VWF: variants seen among roughly 807,000 people sequenced by gnomAD.
VWF encodes the protein von Willebrand factor.
A neutral mutation model predicts 308.6 loss-of-function variants in VWF; 176 were observed. That is an observed-to-expected ratio of 0.57 (90% CI 0.50 to 0.65). The LOEUF is 0.65. Among genes scored for constraint, VWF ranks in the 30% least tolerant of loss-of-function variants. The pLI, the probability that VWF is intolerant of heterozygous loss-of-function variation, is 0.00. For synonymous variants in VWF, 1,385 were observed against 1,443.4 expected, an observed-to-expected ratio of 0.96 and a Z score of 0.92; for missense variants, 3,146 against 3,648.2, an observed-to-expected ratio of 0.86 and a Z score of 3.55.
chr12:6,108,490 C>G lies in VWF; in HGVS notation c.532+1884G>C, dbSNP rs148120788. Among the ~76,000 whole-genome samples, 97 of 150,618 alleles carry G rather than the reference C, an allele frequency of 6.4e-4. 1 individual carries two copies. Among genetic ancestry groups the G allele is most frequent in the African/African-American group, 2.2e-3 (91 of 41,008 alleles). On this transcript the variant is annotated intron_variant, in intron 5 of 51. Coordinates refer to ENST00000261405, the MANE Select transcript of VWF (RefSeq NM_000552.5). Reference sequence around the variant, plus strand: ...AAGAAGTAGTACACATACAGAAGATCTGGAAAACACAATTAAAAAGCTTAA... The same window carrying G: ...AAGAAGTAGTACACATACAGAAGATGTGGAAAACACAATTAAAAAGCTTAA...
intron 10 of VWF, among the ~76,000 whole-genome samples, chr12:6,067,317 T>G (rs1944727121): frequency 6.6e-6 from 1 of 152,208 alleles, no homozygotes; most frequent in African/African-American, 2.4e-5. Flanking sequence ...TGGGTGGGAA[T>G]TCTTCCCCCT....
intron 19 of VWF, among the ~76,000 whole-genome samples, chr12:6,036,137 G>A (rs916008136): frequency 6.6e-6 from 1 of 152,184 alleles, no homozygotes; most frequent in Non-Finnish European, 1.5e-5. Context: ...CAAAACAGTT[G>A]TGGTCCCAAG....
chr12:6,035,283 T>C (rs1944323231), intron 19 of VWF, among the ~76,000 whole-genome samples: 1 of 151,588 alleles, frequency 6.6e-6, no homozygotes, highest in South Asian at 2.1e-4. Flanking sequence ...TAGAAAAGAG[T>C]GATGAAGTAC....
At chr12:6,073,763 GT>G in intron 7 of VWF, 22 bp from the exon 8 acceptor site, 1 of 1,613,494 alleles carries the variant, frequency 6.2e-7, no homozygotes, top group East Asian at 2.2e-5. Context: ...CATCAAAGGG[GT>G]CTACCCAGGG....
chr12:6,067,938 A>T (rs1241817042), intron 10 of VWF, among the ~76,000 whole-genome samples: 2 of 152,130 alleles, frequency 1.3e-5, no homozygotes, highest in Non-Finnish European at 2.9e-5. Flanking sequence ...GTTCGAGACC[A>T]GCCTGGCCAA....
chr12:5,993,217 G>A (rs552662033), intron 37 of VWF, among the ~76,000 whole-genome samples: 10 of 152,168 alleles, frequency 6.6e-5, no homozygotes, highest in Non-Finnish European at 8.8e-5. Context: ...TTCAAGTTCA[G>A]TATTCTTTTC....
intron 34 of VWF, among the ~76,000 whole-genome samples, chr12:6,004,279 C>A (rs923910708): frequency 6.6e-6 from 1 of 151,876 alleles, no homozygotes; most frequent in Non-Finnish European, 1.5e-5. Flanking sequence ...TAGGAAATTT[C>A]TTCAAATAAT....
rs1443374379 is a variant in VWF, at chr12:5,951,709, A to G, written c.8155+135T>C. The G allele has an allele frequency of 2.3e-5, 24 of 1,032,298 alleles. No individual in the cohort carries two copies. In the Admixed American group the frequency reaches 4.2e-4, roughly 18 times the overall value. 63.9% of individuals were successfully genotyped at this position (1,032,298 alleles called of 1,614,324 possible). On this transcript the variant is annotated intron_variant, in intron 50 of 51. Transcript: ENST00000261405. Reference sequence around the variant, plus strand: ...ATAATGACTGACCAGTGGTCACGAAATATCTTTCTGAAATAAAGCTTACTC... The same window carrying G: ...ATAATGACTGACCAGTGGTCACGAAGTATCTTTCTGAAATAAAGCTTACTC...
Position 6,086,951 on chromosome 12 carries a change from G to C in VWF, c.657+8509C>G, listed in dbSNP as rs148383804. Among the ~76,000 whole-genome samples the C allele has an allele frequency of 6.6e-5, 10 of 152,218 alleles. No homozygotes were observed. In the East Asian group the frequency reaches 1.9e-3, roughly 29 times the overall value. ...GACAGGTGATTTTCTGGGAGGAAGA[G>C]GAATCACAGGTGAACTGCATGCTGT... On this transcript the variant is annotated intron_variant, in intron 6 of 51. Transcript: ENST00000261405.
chr12:6,117,010 C>A (rs895991151), intron 3 of VWF, among the ~76,000 whole-genome samples: 1 of 152,098 alleles, frequency 6.6e-6, no homozygotes, highest in Admixed American at 6.6e-5. Flanking sequence ...TGCCAGCCCA[C>A]CCCCCTCTAA....
intron 50 of VWF, among the ~76,000 whole-genome samples, chr12:5,950,914 A>G (rs1417959866): frequency 6.6e-6 from 1 of 152,180 alleles, no homozygotes; most frequent in Non-Finnish European, 1.5e-5. Flanking sequence ...GGAATCATAG[A>G]AAGACATGCT....
At chr12:6,006,171 T>C (rs1209809176) in intron 34 of VWF, among the ~76,000 whole-genome samples, 1 of 152,222 alleles carries the variant, frequency 6.6e-6, no homozygotes, top group Non-Finnish European at 1.5e-5. Flanking sequence ...TAAGTTGTTA[T>C]AAGCTTAGAA....
intron 47 of VWF, among the ~76,000 whole-genome samples, chr12:5,965,841 A>G (rs1943395769): frequency 6.6e-6 from 1 of 152,170 alleles, no homozygotes; most frequent in Non-Finnish European, 1.5e-5. Context: ...GGCTTGAGAG[A>G]TGCATAGAGG....
At position 5,948,877 on chromosome 12, in the gene VWF, T is replaced by A; in HGVS notation, c.*138A>T. The A allele has an allele frequency of 9.3e-7, 1 of 1,080,346 alleles. No homozygotes were observed. The highest frequency in any genetic ancestry group is 1.4e-6 in the Non-Finnish European group (1 of 730,722). 66.9% of individuals were successfully genotyped at this position (1,080,346 alleles called of 1,614,324 possible). On this transcript the variant is annotated 3_prime_UTR_variant, in exon 52 of 52. Coordinates refer to ENST00000261405, the MANE Select transcript of VWF (RefSeq NM_000552.5). This position sits in a 1 kb window ranked among gnomAD's most constrained non-coding sequence, Gnocchi z 4.4. ...CCTACGACACAGTGCACCAGCAGCCTTTTGCAAGATAAGAGCTCAGCCTTT... is the reference window on the plus strand; with the variant it reads ...CCTACGACACAGTGCACCAGCAGCCATTTGCAAGATAAGAGCTCAGCCTTT...
Position 6,022,917 on chromosome 12 carries a change from A to G in VWF, c.3380-19T>C, listed in dbSNP as rs1000988831. 13 of 428,092 alleles carry G rather than the reference A, an allele frequency of 3.0e-5. No homozygotes were observed. Among genetic ancestry groups the G allele is most frequent in the Admixed American group, 7.6e-5 (2 of 26,436 alleles). The allele number at this position is 428,092 out of a possible 1,614,324, so 26.5% of individuals were successfully genotyped here. A position where few individuals can be genotyped will look rare whatever the true frequency, so the allele number is the denominator to read the frequency against. On this transcript the variant is annotated intron_variant, in intron 25 of 51. Coordinates refer to ENST00000261405, the MANE Select transcript of VWF (RefSeq NM_000552.5). Reference sequence around the variant, plus strand: ...CTCTGGGCTGTGTAGACAGGAGACAAGGCTGTGGCCACAACAGGCAAAGCC... The same window carrying G: ...CTCTGGGCTGTGTAGACAGGAGACAGGGCTGTGGCCACAACAGGCAAAGCC...
chr12:6,043,810 G>A (rs216292), intron 18 of VWF, among the ~76,000 whole-genome samples: 72,902 of 152,158 alleles, frequency 0.48, 19,555 homozygotes, highest in East Asian at 0.71. Context: ...TCATTGTGGG[G>A]AAGAGACTTG....
chr12:5,953,178 G>A (rs1419005747), intron 48 of VWF, among the ~76,000 whole-genome samples: 1 of 151,924 alleles, frequency 6.6e-6, no homozygotes, highest in African/African-American at 2.4e-5. Context: ...AGTGAGCCGA[G>A]ATCGTGACAT....
intron 47 of VWF, among the ~76,000 whole-genome samples, chr12:5,965,259 T>C (rs1009112412): frequency 2.0e-5 from 3 of 152,206 alleles, no homozygotes; most frequent in Non-Finnish European, 4.4e-5. Flanking sequence ...CCTGCTTTCC[T>C]CACACAGTTG....
chr12:6,091,231 A>G (rs547656428), intron 6 of VWF, among the ~76,000 whole-genome samples: 4 of 146,446 alleles, frequency 2.7e-5, no homozygotes, highest in African/African-American at 1.0e-4. Flanking sequence ...GAAGATGAAG[A>G]CTCACTGAAT....
Sources: allele counts gnomAD v4.1 joint callset (sites outside exome capture counted in the v4.1 genomes callset), GRCh38; gene constraint gnomAD v4.1.1; non-coding constraint Gnocchi (gnomAD v3.1); transcripts MANE v1.5; gene names NCBI Gene and HGNC (gene_info 2026-07-23, HGNC 2026-07-21).